The following DCC variants were observed in gnomAD, a reference collection of about 807,000 sequenced individuals.
DCC encodes the protein netrin receptor DCC.
Under a neutral mutation model 172.5 loss-of-function variants are expected in DCC, and 58 were observed. The ratio of observed to expected loss-of-function variants is 0.34; its 90% confidence interval spans 0.27 to 0.42. DCC has a LOEUF of 0.42. DCC is among the 10% of genes least tolerant of loss of function. DCC has a pLI of 1.00. For missense variants in DCC, 1,740 were observed against 1,791.0 expected (o/e 0.97, Z 0.51); for synonymous variants, 709 against 644.5 (o/e 1.10, Z -1.52).
intron 1 of DCC, among the ~76,000 whole-genome samples, chr18:52,623,625 A>T (rs1424188293): frequency 1.3e-5 from 2 of 152,216 alleles, no homozygotes; most frequent in Admixed American, 1.3e-4. Context: ...CGAACAGTTC[A>T]TAACGGGATT....
intron 2 of DCC, among the ~76,000 whole-genome samples, chr18:52,848,082 A>ATTTTTTTTTT (rs11291428): frequency 7.8e-6 from 1 of 127,392 alleles, no homozygotes; most frequent in Non-Finnish European, 1.6e-5. Flanking sequence ...GACTTTTCTA[A>ATTTTTTTTTT]TTTTTTTTTT....
At chr18:53,004,352 A>G (rs1439623610) in intron 5 of DCC, among the ~76,000 whole-genome samples, 1 of 152,184 alleles carries the variant, frequency 6.6e-6, no homozygotes, top group Non-Finnish European at 1.5e-5. Context: ...GTTAATCTTT[A>G]ATAAATTAAT....
chr18:52,459,659 C>T (rs969005540), intron 1 of DCC, among the ~76,000 whole-genome samples: 14 of 151,744 alleles, frequency 9.2e-5, no homozygotes, highest in East Asian at 1.9e-4. Flanking sequence ...TTAGTAGAGA[C>T]GGGGTTTCAC....
At position 52,523,944 on chromosome 18, in the gene DCC, A is replaced by T. The variant is rs181590207; in HGVS notation, c.91+183066A>T. Among the ~76,000 whole-genome samples, 27 of 152,308 alleles carry T rather than the reference A, an allele frequency of 1.8e-4. No individual in the cohort carries two copies. In the East Asian group the frequency reaches 4.1e-3, roughly 23 times the overall value. ...TCCAAGGAACAACAAATGAATCTGA[A>T]ACTAACAAGATAAATGCTTCCTGCT... On this transcript the variant is annotated intron_variant, in intron 1 of 28. Transcript: ENST00000442544.
chr18:53,465,167 C>G (rs2045605961), intron 24 of DCC, among the ~76,000 whole-genome samples: 1 of 151,398 alleles, frequency 6.6e-6, no homozygotes, highest in Non-Finnish European at 1.5e-5. Flanking sequence ...TATTTTCACT[C>G]TTTCTGTTGT....
chr18:52,661,333 A>T (rs983595562), intron 1 of DCC, among the ~76,000 whole-genome samples: 2 of 152,164 alleles, frequency 1.3e-5, no homozygotes, highest in Non-Finnish European at 2.9e-5. Context: ...GAGCAATTGG[A>T]TATCCTTACT....
chr18:52,878,930 G>A (rs1331679611), intron 2 of DCC, among the ~76,000 whole-genome samples: 3 of 152,012 alleles, frequency 2.0e-5, no homozygotes, highest in Non-Finnish European at 2.9e-5. Context: ...AAACACACCC[G>A]GGCACAAAGT....
In DCC at chr18:53,397,456, G is replaced by T; in HGVS notation, c.2827+10G>T. 1 of 1,613,834 alleles carries T rather than the reference G, an allele frequency of 6.2e-7. No individual in the cohort carries two copies. The highest frequency in any genetic ancestry group is 8.5e-7 in the Non-Finnish European group (1 of 1,179,866). On this transcript the variant is annotated intron_variant, in intron 18 of 28. Transcript: ENST00000442544. ...ACCACGTATGAAGCAGGTATGTGAG[G>T]AAATGTCTACTTTGGACCCTTGATA...
chr18:52,741,402 C>T lies in DCC; in HGVS notation c.92-10652C>T, dbSNP rs370878125. On this transcript the variant is annotated intron_variant, in intron 1 of 28. Transcript: ENST00000442544. ...CCTTTAAAACAGGGGTTCTCATCCT[C>T]ATCACTACTGATGTTTTGGGATGGG... 1.6e-4 allele frequency among the ~76,000 whole-genome samples: 24 copies of T among 152,268 alleles called. No homozygotes were observed. In the East Asian group the frequency reaches 4.5e-3, roughly 28 times the overall value.
At chr18:53,301,369 G>A (rs2057139824) in intron 12 of DCC, among the ~76,000 whole-genome samples, 1 of 151,990 alleles carries the variant, frequency 6.6e-6, no homozygotes, top group Non-Finnish European at 1.5e-5. Context: ...GATTACAGGT[G>A]TGAGCCACTG....
At chr18:52,889,183 T>G (rs1441656676) in intron 2 of DCC, among the ~76,000 whole-genome samples, 4 of 152,052 alleles carry the variant, frequency 2.6e-5, no homozygotes, top group Non-Finnish European at 5.9e-5. Context: ...ATCTTTACTT[T>G]TTCATATTCA....
At chr18:52,341,485 T>C (rs984631147) in intron 1 of DCC, among the ~76,000 whole-genome samples, 2 of 152,136 alleles carry the variant, frequency 1.3e-5, no homozygotes, top group African/African-American at 2.4e-5. Flanking sequence ...GTGTGTTTAA[T>C]ATTGTTTTAT....
At chr18:52,781,606 A>G (rs962989960) in intron 2 of DCC, among the ~76,000 whole-genome samples, 3 of 151,862 alleles carry the variant, frequency 2.0e-5, no homozygotes, top group Admixed American at 6.6e-5. Context: ...ATAGTCTGCC[A>G]TCCACTTCAT....
chr18:53,238,912 C>T (rs190124488), intron 12 of DCC, among the ~76,000 whole-genome samples: 1 of 151,972 alleles, frequency 6.6e-6, no homozygotes, highest in African/African-American at 2.4e-5. Flanking sequence ...TATTATTTAA[C>T]CTTCACAAAA....
intron 5 of DCC, among the ~76,000 whole-genome samples, chr18:52,939,480 G>A (rs2040428630): frequency 6.6e-6 from 1 of 151,888 alleles, no homozygotes; most frequent in African/African-American, 2.4e-5. Context: ...CTTATTTTAT[G>A]TACTGTTTTA....
At position 52,717,193 on chromosome 18, in the gene DCC, A is replaced by G. The variant is rs542871062; in HGVS notation, c.92-34861A>G. 1.8e-4 allele frequency among the ~76,000 whole-genome samples: 28 copies of G among 152,158 alleles called. 1 individual carries two copies. The highest frequency in any genetic ancestry group is 6.5e-4 in the African/African-American group (27 of 41,524). ...AGGATGAGGAAGAGACTATTCCACA[A>G]CCTTTGGTGCAGAGGGGAATGTGAT... On this transcript the variant is annotated intron_variant, in intron 1 of 28. Coordinates refer to ENST00000442544, the MANE Select transcript of DCC (RefSeq NM_005215.4).
At chr18:53,070,340 G>T (rs999096725) in intron 7 of DCC, among the ~76,000 whole-genome samples, 1 of 152,126 alleles carries the variant, frequency 6.6e-6, no homozygotes. Context: ...CAGGGCCAGA[G>T]GATGGACCCA....
intron 7 of DCC, among the ~76,000 whole-genome samples, chr18:53,111,906 C>T (rs1421351259): frequency 2.0e-5 from 3 of 151,668 alleles, no homozygotes; most frequent in East Asian, 2.0e-4. Flanking sequence ...CTCTTGAATG[C>T]TTCATTGTCT....
intron 2 of DCC, among the ~76,000 whole-genome samples, chr18:52,794,831 G>C (rs530673544): frequency 4.8e-4 from 73 of 152,030 alleles, no homozygotes; most frequent in African/African-American, 1.7e-3. Context: ...ATTGTTGAGA[G>C]TTTTTGTCAT....
Sources: gnomAD v4.1 joint callset for allele counts (sites outside exome capture counted in the v4.1 genomes callset) on GRCh38, gnomAD v4.1.1 for gene constraint, MANE v1.5 for transcripts, NCBI Gene and HGNC (gene_info 2026-07-23, HGNC 2026-07-21) for gene names.